The following TANC2 variants were observed in gnomAD, a reference collection of about 807,000 sequenced individuals.
The protein encoded by TANC2 is tetratricopeptide repeat, ankyrin repeat and coiled-coil containing 2, also known as protein TANC2.
Under a neutral mutation model 210.5 loss-of-function variants are expected in TANC2, and 26 were observed. The observed-to-expected ratio is 0.12, with a 90% CI of 0.09 to 0.17. The LOEUF is 0.17. TANC2 is among the 10% of genes least tolerant of loss of function. The probability of loss-of-function intolerance (pLI) is 1.00; values close to 1 mark genes in which losing one functional copy is unlikely to be tolerated. For missense variants in TANC2, 2,129 were observed against 2,608.9 expected (o/e 0.82, Z 4.01); for synonymous variants, 931 against 967.1 (o/e 0.96, Z 0.69).
At chr17:63,214,292 A>G (rs539521322) in intron 7 of TANC2, among the ~76,000 whole-genome samples, 2 of 152,322 alleles carry the variant, frequency 1.3e-5, no homozygotes, top group South Asian at 4.1e-4. Context: ...CAGGATCAAC[A>G]CAAATGACTC....
chr17:63,087,563 A>G (rs1439896346), intron 3 of TANC2, among the ~76,000 whole-genome samples: 1 of 152,198 alleles, frequency 6.6e-6, no homozygotes, highest in African/African-American at 2.4e-5. Flanking sequence ...ATGGTTAAGA[A>G]GAATACCATT....
chr17:63,332,921 T>C (rs533978435), intron 11 of TANC2, among the ~76,000 whole-genome samples: 50 of 152,132 alleles, frequency 3.3e-4, no homozygotes, highest in African/African-American at 1.1e-3. Context: ...CACATCTGTT[T>C]ACAGCATGGT....
intron 1 of TANC2, chr17:62,967,492 A>ATAAT (rs1391452448): frequency 6.6e-6 from 1 of 152,244 alleles, no homozygotes; most frequent in African/African-American, 2.4e-5. Flanking sequence ...ATAAACAATG[A>ATAAT]TAATTAACAT....
At chr17:63,000,180 C>G (rs929141283) in intron 1 of TANC2, among the ~76,000 whole-genome samples, 1 of 152,090 alleles carries the variant, frequency 6.6e-6, no homozygotes, top group African/African-American at 2.4e-5. Context: ...CTGTCACACG[C>G]ATTTTACCAA....
chr17:63,358,376 A>AGAGTGTGTGT (rs1470682571), intron 14 of TANC2, among the ~76,000 whole-genome samples: 60 of 81,038 alleles, frequency 7.4e-4, no homozygotes, highest in African/African-American at 1.9e-3. Context: ...AGAGAGAGAG[A>AGAGTGTGTGT]GTATGTGTGT....
exon 28 of TANC2, chr17:63,422,941 A>G (rs979658992): frequency 6.6e-6 from 1 of 152,150 alleles, no homozygotes; most frequent in Non-Finnish European, 1.5e-5. Flanking sequence ...TGGTGTGACA[A>G]TCCCGTTAGT....
chr17:63,117,453 AGTT>A (rs2038295763), intron 4 of TANC2, among the ~76,000 whole-genome samples: 1 of 152,248 alleles, frequency 6.6e-6, no homozygotes, highest in Non-Finnish European at 1.5e-5. Context: ...TGAAATCATT[AGTT>A]GTTCAAAACA....
chr17:63,405,284 C>G (rs371703151), intron 20 of TANC2, 29 bp downstream of exon 20: 1 of 1,526,922 alleles, frequency 6.5e-7, no homozygotes, highest in East Asian at 2.4e-5. Context: ...TCCAGTCCCT[C>G]AGGCAGGACT....
At chr17:63,228,686 G>A (rs1047058537) in intron 7 of TANC2, among the ~76,000 whole-genome samples, 3 of 152,074 alleles carry the variant, frequency 2.0e-5, no homozygotes, top group Admixed American at 6.6e-5. Flanking sequence ...TATTCTCTTT[G>A]TAGCAATTTT....
intron 5 of TANC2, among the ~76,000 whole-genome samples, chr17:63,170,696 A>G (rs1307449400): frequency 6.6e-6 from 1 of 152,194 alleles, no homozygotes; most frequent in Non-Finnish European, 1.5e-5. Flanking sequence ...CAGAATCCCC[A>G]TTAAATTCTG....
At chr17:63,371,192 C>T (rs1257940170) in intron 14 of TANC2, among the ~76,000 whole-genome samples, 32 of 151,998 alleles carry the variant, frequency 2.1e-4, no homozygotes. Flanking sequence ...TGGCCAGGTA[C>T]GGTGGCTCAC....
At chr17:63,277,634 C>A (rs1001176313) in intron 9 of TANC2, among the ~76,000 whole-genome samples, 4 of 151,058 alleles carry the variant, frequency 2.6e-5, no homozygotes, top group African/African-American at 7.3e-5. Flanking sequence ...AAAATTAACT[C>A]ATTGATACTT....
chr17:63,261,442 A>G (rs2043353695), intron 8 of TANC2, among the ~76,000 whole-genome samples: 1 of 152,172 alleles, frequency 6.6e-6, no homozygotes, highest in East Asian at 1.9e-4. Context: ...ATCTCCATGA[A>G]GGGGATCCTG....
At chr17:63,210,206 T>A (rs2041842641) in intron 7 of TANC2, among the ~76,000 whole-genome samples, 1 of 152,228 alleles carries the variant, frequency 6.6e-6, no homozygotes, top group South Asian at 2.1e-4. Context: ...CTTTCTATTG[T>A]CATCTTTCTC....
chr17:63,100,552 A>T (rs2144914943), intron 4 of TANC2, among the ~76,000 whole-genome samples: 1 of 152,264 alleles, frequency 6.6e-6, no homozygotes, highest in East Asian at 1.9e-4. Context: ...GCTTAAATAA[A>T]ATCTCAGTGC....
intron 14 of TANC2, among the ~76,000 whole-genome samples, chr17:63,367,857 A>G (rs1194773079): frequency 3.3e-5 from 5 of 152,216 alleles, no homozygotes; most frequent in Non-Finnish European, 4.4e-5. Context: ...AGACTTTATA[A>G]TTCTGTAGAT....
intron 8 of TANC2, among the ~76,000 whole-genome samples, chr17:63,266,829 A>C (rs983367277): frequency 6.6e-6 from 1 of 151,664 alleles, no homozygotes; most frequent in Non-Finnish European, 1.5e-5. Context: ...GGTAGCTAAT[A>C]TTTTCTTCCT....
At chr17:63,232,199 A>AAC (rs1414432471) in intron 7 of TANC2, among the ~76,000 whole-genome samples, 1 of 152,212 alleles carries the variant, frequency 6.6e-6, no homozygotes, top group African/African-American at 2.4e-5. Context: ...ATTGGGTTAG[A>AAC]ACATGCTCCT....
At chr17:63,405,610 A>G (rs532510368) in intron 20 of TANC2, among the ~76,000 whole-genome samples, 1 of 152,362 alleles carries the variant, frequency 6.6e-6, no homozygotes, top group South Asian at 2.1e-4. Context: ...AAGAAAATAC[A>G]GTGAATGCAA....
Sources: gnomAD v4.1 joint callset for allele counts (sites outside exome capture counted in the v4.1 genomes callset) on GRCh38, gnomAD v4.1.1 for gene constraint, MANE v1.5 for transcripts, NCBI Gene and HGNC (gene_info 2026-07-23, HGNC 2026-07-21) for gene names.